SSH1: variants seen among roughly 807,000 people sequenced by gnomAD.
SSH1 encodes the protein slingshot protein phosphatase 1.
Under a neutral mutation model 79.7 loss-of-function variants are expected in SSH1, and 43 were observed. The observed-to-expected ratio is 0.54, with a 90% CI of 0.42 to 0.70. The LOEUF is 0.70. Ranked by LOEUF, SSH1 falls within the 30% of genes least tolerant of loss-of-function variation. The pLI is 0.00. For missense variants in SSH1, 1,206 were observed against 1,358.8 expected (o/e 0.89, Z 1.77); for synonymous variants, 599 against 538.3 (o/e 1.11, Z -1.56).
At position 108,824,447 on chromosome 12, in the gene SSH1, T is replaced by G. The variant is rs1303691858; in HGVS notation, c.111-1086A>C. On this transcript the variant is annotated intron_variant, in intron 2 of 14. Coordinates refer to ENST00000326495, the MANE Select transcript of SSH1 (RefSeq NM_018984.4). ...TCCAGCCTGGGCGACAGAGCAAGAC[T>G]GTGTCTCAAAAAAAAAAAAAGAAAG... 4.7e-5 allele frequency among the ~76,000 whole-genome samples: 7 copies of G among 148,226 alleles called. No individual in the cohort carries two copies. The East Asian group carries it at 1.4e-3, about 29-fold the overall frequency.
intron 2 of SSH1, among the ~76,000 whole-genome samples, chr12:108,825,163 C>G (rs189785123): frequency 4.6e-5 from 7 of 152,250 alleles, no homozygotes; most frequent in Admixed American, 3.9e-4. Flanking sequence ...AACCAATGAA[C>G]ATATACATGA....
At chr12:108,849,649 T>C (rs1282068845) in intron 2 of SSH1, among the ~76,000 whole-genome samples, 1 of 151,534 alleles carries the variant, frequency 6.6e-6, no homozygotes, top group Non-Finnish European at 1.5e-5. Context: ...ATTTATAAGT[T>C]CTTATTAACT....
chr12:108,825,146 C>G (rs1335921154), intron 2 of SSH1, among the ~76,000 whole-genome samples: 1 of 152,140 alleles, frequency 6.6e-6, no homozygotes, highest in Non-Finnish European at 1.5e-5. Context: ...AAATTTCGCT[C>G]TTGAACAACC....
chr12:108,845,630 C>A (rs191006809), intron 2 of SSH1, among the ~76,000 whole-genome samples: 30 of 152,090 alleles, frequency 2.0e-4, no homozygotes, highest in African/African-American at 6.0e-4. Context: ...GAGGTTGCAG[C>A]GAGCTGAGAT....
Position 108,799,136 on chromosome 12 carries a change from T to C in SSH1, c.1213A>G (p.Ile405Val). 1 of 1,614,248 alleles carries C rather than the reference T, an allele frequency of 6.2e-7. No homozygotes were observed. The highest frequency in any genetic ancestry group is 8.5e-7 in the Non-Finnish European group (1 of 1,180,048). ...MGVSRSASTV[I>V]AYAMKEFGWP... ...CCGAATTCCTTCATTGCATAGGCTA[T>C]GACTGTGGAGGCCGAGCGACTCACG... The change falls in exon 13 of 15, where the codon ATA becomes GTA. Residue 405 changes from isoleucine to valine, a missense_variant. Transcript: ENST00000326495.
chr12:108,794,297 A>T (rs186023616), intron 13 of SSH1, among the ~76,000 whole-genome samples: 2 of 152,304 alleles, frequency 1.3e-5, no homozygotes, highest in African/African-American at 4.8e-5. Context: ...GGGTACTGGA[A>T]CTACGGTGAG....
At chr12:108,842,521 T>C (rs2038802771) in intron 2 of SSH1, among the ~76,000 whole-genome samples, 2 of 152,236 alleles carry the variant, frequency 1.3e-5, no homozygotes, top group African/African-American at 4.8e-5. Flanking sequence ...GAAGCTGGCC[T>C]CATTACCACC....
rs2036320461 is a variant in SSH1 at position 108,787,675 on chromosome 12, GATGTGTGCGCCT to G, written c.*301_*312del. ...TGCAGGATGCGAAGGGAACAGTCTGGATGTGTGCGCCTATGTGTGCACGTTCTTCCTAAAACA... is the reference window on the plus strand; with the variant it reads ...TGCAGGATGCGAAGGGAACAGTCTGGATGTGTGCACGTTCTTCCTAAAACA... On this transcript the variant is annotated 3_prime_UTR_variant, in exon 15 of 15. Coordinates refer to ENST00000326495, the MANE Select transcript of SSH1 (RefSeq NM_018984.4). 4.8e-6 allele frequency: 2 copies of G among 420,740 alleles called. No homozygotes were observed. Among genetic ancestry groups the G allele is most frequent in the Admixed American group, 3.6e-5 (1 of 27,846 alleles). 26.1% of individuals were successfully genotyped at this position (420,740 alleles called of 1,614,324 possible). A position where few individuals can be genotyped will look rare whatever the true frequency, so the allele number is the denominator to read the frequency against.
chr12:108,798,529 G>A (rs2036847248), intron 13 of SSH1, among the ~76,000 whole-genome samples: 1 of 151,208 alleles, frequency 6.6e-6, no homozygotes, highest in African/African-American at 2.5e-5. Flanking sequence ...CTTAGAAGAG[G>A]GAACTGAGGC....
At chr12:108,792,076 T>C (rs2036525575) in intron 14 of SSH1, 1 of 1,455,730 alleles carries the variant, frequency 6.9e-7, no homozygotes, top group South Asian at 1.5e-5. Flanking sequence ...ATATAAGGTA[T>C]GCACTACGTA....
At chr12:108,845,485 C>T (rs745879459) in intron 2 of SSH1, among the ~76,000 whole-genome samples, 61 of 152,104 alleles carry the variant, frequency 4.0e-4, no homozygotes, top group Non-Finnish European at 7.1e-4. Flanking sequence ...TTCAGGTGCT[C>T]GAGACCAACC....
chr12:108,820,519 C>A (rs893081668), intron 3 of SSH1, among the ~76,000 whole-genome samples: 5 of 152,202 alleles, frequency 3.3e-5, no homozygotes, highest in Non-Finnish European at 5.9e-5. Context: ...ATGAAAGGGA[C>A]ATTTTCCACA....
At position 108,782,462 on chromosome 12, in the gene SSH1, T is replaced by G. The variant is rs2036158996; in HGVS notation, c.*5526A>C. The G allele has an allele frequency of 6.6e-6, 1 of 152,180 alleles. No individual in the cohort carries two copies. 9.4% of individuals were successfully genotyped at this position (152,180 alleles called of 1,614,324 possible). A position where few individuals can be genotyped will look rare whatever the true frequency, so the allele number is the denominator to read the frequency against. The stretch of plus-strand genomic sequence containing the variant: ...GACCACCCACAGGTGGGCCTGTTCT[T>G]GCTTACTGACAAAATTAGAAAGAAA... On this transcript the variant is annotated 3_prime_UTR_variant, in exon 15 of 15. Coordinates refer to ENST00000326495, the MANE Select transcript of SSH1 (RefSeq NM_018984.4).
At position 108,810,098 on chromosome 12, in the gene SSH1, C is replaced by T. The variant is rs118071374; in HGVS notation, c.471-340G>A. Reference sequence around the variant, plus strand: ...CCTGCCACCTCCTGTCCCACAGGCCCGGCCGTTCCTTTTTGTAATTGCATG... The same window carrying T: ...CCTGCCACCTCCTGTCCCACAGGCCTGGCCGTTCCTTTTTGTAATTGCATG... On this transcript the variant is annotated intron_variant, in intron 6 of 14. Transcript: ENST00000326495. Among the ~76,000 whole-genome samples, 340 of 152,084 alleles carry T rather than the reference C, an allele frequency of 2.2e-3. 5 individuals are homozygous for T. The highest frequency in any genetic ancestry group is 1.9e-3 in the Non-Finnish European group (127 of 67,996).
chr12:108,819,358 G>C (rs540722535), intron 3 of SSH1, among the ~76,000 whole-genome samples: 7 of 152,202 alleles, frequency 4.6e-5, no homozygotes, highest in Admixed American at 1.3e-4. Flanking sequence ...CATGAGTCTC[G>C]CGCGAAGCAG....
rs774256216 is a variant in SSH1 at position 108,823,268 on chromosome 12, G to A, written c.204C>T (p.His68=). ...ACTTAGAGCCCTCACCTGCATGCTT[G>A]TGGGGGTGCTGAAGACTCCGCTGGC... is the stretch of plus-strand genomic sequence containing the variant. ...PQGQRSLQHP[H]KHAGDLPQHL... is the part of the protein sequence containing the mutation. Residue 68 remains histidine (H), a synonymous_variant, in exon 3 of 15, where the codon CAC becomes CAT. Coordinates refer to ENST00000326495, the MANE Select transcript of SSH1 (RefSeq NM_018984.4). 3.8e-6 allele frequency: 6 copies of A among 1,585,032 alleles called. No individual in the cohort carries two copies. The highest frequency in any genetic ancestry group is 5.2e-6 in the Non-Finnish European group (6 of 1,164,320).
Position 108,792,127 on chromosome 12 carries a change from C to T in SSH1, c.1893+159G>A, listed in dbSNP as rs183779545. 19 of 1,494,540 alleles carry T rather than the reference C, an allele frequency of 1.3e-5. No individual in the cohort carries two copies. In the African/African-American group the frequency reaches 1.7e-4, roughly 13 times the overall value. 92.6% of individuals were successfully genotyped at this position (1,494,540 alleles called of 1,614,324 possible). A position where few individuals can be genotyped will look rare whatever the true frequency, so the allele number is the denominator to read the frequency against. On this transcript the variant is annotated intron_variant, in intron 14 of 14. Coordinates refer to ENST00000326495, the MANE Select transcript of SSH1 (RefSeq NM_018984.4). ...ACCCTGTGAAAGAACCCTCAGGTCC[C>T]TGGAGATGGGAGCTGGGGGCCCAGA...
chr12:108,848,181 G>A (rs768065359), intron 2 of SSH1, among the ~76,000 whole-genome samples: 1 of 152,166 alleles, frequency 6.6e-6, no homozygotes, highest in Non-Finnish European at 1.5e-5. Flanking sequence ...TAGAGAGGAT[G>A]GGTCTGAGGT....
At position 108,787,180 on chromosome 12, in the gene SSH1, C is replaced by G. The variant is rs2136949273; in HGVS notation, c.*808G>C. 6.6e-6 allele frequency: 1 copy of G among 152,330 alleles called. No homozygotes were observed. The allele number at this position is 152,330 out of a possible 1,614,324, so 9.4% of individuals were successfully genotyped here. ...CAATCATGTGTTTCAGCAGCAGACACTCAACAATGCAGGTGGGCCCTTCCC... is the reference window on the plus strand; with the variant it reads ...CAATCATGTGTTTCAGCAGCAGACAGTCAACAATGCAGGTGGGCCCTTCCC... On this transcript the variant is annotated 3_prime_UTR_variant, in exon 15 of 15. Coordinates refer to ENST00000326495, the MANE Select transcript of SSH1 (RefSeq NM_018984.4).
Sources: allele counts gnomAD v4.1 joint callset (sites outside exome capture counted in the v4.1 genomes callset), GRCh38; gene constraint gnomAD v4.1.1; transcripts MANE v1.5; gene names NCBI Gene and HGNC (gene_info 2026-07-23, HGNC 2026-07-21).